GADL1: variants seen among roughly 807,000 people sequenced by gnomAD.
GADL1 encodes the protein GAD like acidic amino acid decarboxylase 1.
A neutral mutation model predicts 69.5 loss-of-function variants in GADL1; 71 were observed. The observed-to-expected ratio is 1.02, with a 90% confidence interval of 0.84 to 1.25. The LOEUF (loss-of-function observed/expected upper bound fraction) is 1.25. Among genes scored for constraint, GADL1 ranks in the 50% most tolerant of loss-of-function variants. GADL1 has a pLI of 0.00. For synonymous variants in GADL1, 254 were observed against 214.4 expected (o/e 1.18, Z -1.62); for missense variants, 737 against 631.8 (o/e 1.17, Z -1.79).
chr3:30,784,470 A>AT (rs1385683647), intron 13 of GADL1, among the ~76,000 whole-genome samples: 1 of 152,118 alleles, frequency 6.6e-6, no homozygotes, highest in Admixed American at 6.5e-5. Context: ...ATTTTTAATC[A>AT]TTTTGGTATG....
chr3:30,773,471 G>T (rs9866328), intron 14 of GADL1, among the ~76,000 whole-genome samples: 5 of 151,896 alleles, frequency 3.3e-5, no homozygotes, highest in Non-Finnish European at 4.4e-5. Context: ...AAAAGAAATC[G>T]CCTGCAACTT....
At chr3:30,763,036 G>A (rs1261810021) in intron 14 of GADL1, among the ~76,000 whole-genome samples, 1 of 152,090 alleles carries the variant, frequency 6.6e-6, no homozygotes, top group African/African-American at 2.4e-5. Flanking sequence ...AACAAACATG[G>A]GAGTGCAGTT....
At position 30,883,896 on chromosome 3, in the gene GADL1, ATATTT is replaced by A. The variant is rs577991869; in HGVS notation, c.37+10677_37+10681del. On this transcript the variant is annotated intron_variant, in intron 1 of 14. Transcript: ENST00000282538. ...GTTACTATTTTTTATGCTATTGTAA[ATATTT>A]TAAGTTTTTAAATAAAAATTTTAAT... 2.7e-3 allele frequency among the ~76,000 whole-genome samples: 415 copies of A among 152,010 alleles called. 1 individual carries two copies. Among genetic ancestry groups the A allele is most frequent in the African/African-American group, 9.7e-3 (402 of 41,476 alleles).
chr3:30,855,123 T>C (rs1471777404), intron 3 of GADL1, among the ~76,000 whole-genome samples: 1 of 152,068 alleles, frequency 6.6e-6, no homozygotes, highest in Non-Finnish European at 1.5e-5. Flanking sequence ...TTAAGATTTG[T>C]GCACTTTACT....
At chr3:30,850,178 A>G in intron 5 of GADL1, 67 bp from the exon 6 acceptor site, 1 of 853,970 alleles carries the variant, frequency 1.2e-6, no homozygotes, top group Admixed American at 1.8e-5. Context: ...TGCTGAATAC[A>G]GTGGAAAGCA....
At chr3:30,828,093 A>G (rs1043984611) in intron 11 of GADL1, among the ~76,000 whole-genome samples, 2 of 151,916 alleles carry the variant, frequency 1.3e-5, no homozygotes, top group Admixed American at 1.3e-4. Context: ...GCATTTCCAT[A>G]GGAGCTCTAT....
At chr3:30,744,651 C>T (rs795457) in intron 14 of GADL1, among the ~76,000 whole-genome samples, 45,857 of 151,958 alleles carry the variant, frequency 0.3, 8,418 homozygotes, top group Admixed American at 0.42. Flanking sequence ...GAGTTTGAGG[C>T]TGCAATGAGC....
At chr3:30,760,014 TCC>T (rs1289873719) in intron 14 of GADL1, among the ~76,000 whole-genome samples, 1 of 152,190 alleles carries the variant, frequency 6.6e-6, no homozygotes, top group African/African-American at 2.4e-5. Flanking sequence ...ACCTAATATC[TCC>T]TTTTTACCTG....
intron 11 of GADL1, among the ~76,000 whole-genome samples, chr3:30,815,609 C>T (rs1054362576): frequency 4.6e-5 from 7 of 152,012 alleles, no homozygotes; most frequent in Non-Finnish European, 2.9e-5. Context: ...GTCTGGGGAC[C>T]GAATTGAGTT....
chr3:30,762,105 C>T (rs894478441), intron 14 of GADL1, among the ~76,000 whole-genome samples: 1 of 152,034 alleles, frequency 6.6e-6, no homozygotes, highest in African/African-American at 2.4e-5. Context: ...GCTTAGGAAC[C>T]CATGTTTTAT....
chr3:30,753,961 C>A (rs1182509369), intron 14 of GADL1, among the ~76,000 whole-genome samples: 1 of 152,120 alleles, frequency 6.6e-6, no homozygotes, highest in South Asian at 2.1e-4. Context: ...ACTGTTAGCA[C>A]GCTAAAAGCC....
At chr3:30,845,176 C>G (rs1318973884) in intron 6 of GADL1, among the ~76,000 whole-genome samples, 1 of 152,118 alleles carries the variant, frequency 6.6e-6, no homozygotes, top group Non-Finnish European at 1.5e-5. Flanking sequence ...CTTTACTCAG[C>G]TATGGCATGA....
chr3:30,840,661 C>T (rs746833870), intron 8 of GADL1, among the ~76,000 whole-genome samples: 96 of 152,140 alleles, frequency 6.3e-4, no homozygotes, highest in Admixed American at 1.8e-3. Flanking sequence ...GACATCCTGA[C>T]AGTCATGAGA....
chr3:30,832,409 T>A (rs1361487432), intron 11 of GADL1, among the ~76,000 whole-genome samples: 2 of 150,980 alleles, frequency 1.3e-5, no homozygotes, highest in Non-Finnish European at 2.9e-5. Flanking sequence ...AGTACAGAAA[T>A]GTAATTCAGT....
chr3:30,740,197 G>GT (rs2125472451), intron 14 of GADL1, among the ~76,000 whole-genome samples: 2 of 152,284 alleles, frequency 1.3e-5, no homozygotes, highest in East Asian at 3.9e-4. Context: ...AGAGTTCTAC[G>GT]TAAGAGTTTG....
At chr3:30,874,422 C>T (rs879482085) in intron 1 of GADL1, among the ~76,000 whole-genome samples, 4 of 151,966 alleles carry the variant, frequency 2.6e-5, no homozygotes, top group Non-Finnish European at 5.9e-5. Context: ...TCAGCTGAAA[C>T]TCACTGAGAG....
At chr3:30,772,852 G>A (rs939186942) in intron 14 of GADL1, among the ~76,000 whole-genome samples, 1 of 152,168 alleles carries the variant, frequency 6.6e-6, no homozygotes, top group Non-Finnish European at 1.5e-5. Flanking sequence ...CTCCAGCCCA[G>A]GTGACAGAGT....
chr3:30,876,062 T>C (rs1002414312), intron 1 of GADL1, among the ~76,000 whole-genome samples: 1 of 152,018 alleles, frequency 6.6e-6, no homozygotes, highest in Admixed American at 6.6e-5. Flanking sequence ...CAGTTCCTGC[T>C]ACAATTGTGT....
intron 1 of GADL1, among the ~76,000 whole-genome samples, chr3:30,864,012 A>G (rs915017617): frequency 6.6e-6 from 1 of 152,062 alleles, no homozygotes; most frequent in Non-Finnish European, 1.5e-5. Context: ...GCTCCAATGA[A>G]GAATGTTAGT....
Sources: gnomAD v4.1 joint callset for allele counts (sites outside exome capture counted in the v4.1 genomes callset) on GRCh38, gnomAD v4.1.1 for gene constraint, MANE v1.5 for transcripts, NCBI Gene and HGNC (gene_info 2026-07-23, HGNC 2026-07-21) for gene names.